Variants in BIN2 observed in about 807,000 individuals in gnomAD.
BIN2 encodes bridging integrator 2, also known as breast cancer associated protein BRAP1.
Under a neutral mutation model 67.9 loss-of-function variants are expected in BIN2, and 43 were observed. That is an observed-to-expected ratio of 0.63 (90% CI 0.50 to 0.82). The LOEUF is 0.82. BIN2 is among the 40% of genes least tolerant of loss of function. The pLI is 0.00. For synonymous variants in BIN2, 244 were observed against 246.8 expected, an observed-to-expected ratio of 0.99 and a Z score of 0.11; for missense variants, 581 against 671.6, an observed-to-expected ratio of 0.87 and a Z score of 1.49.
chr12:51,323,754 C>T lies in BIN2; in HGVS notation c.81+268G>A, dbSNP rs186729412. Among the ~76,000 whole-genome samples the T allele has an allele frequency of 7.5e-4, 114 of 152,352 alleles. 3 individuals carry two copies. In the East Asian group the frequency reaches 0.021, roughly 28 times the overall value. ...TTTTCTGGGTCAGCCTGAGGGTTGT[C>T]GAAGGTTCTGCCCAGAGACTGTTGT... On this transcript the variant is annotated intron_variant, in intron 1 of 12. Transcript: ENST00000615107.
chr12:51,299,484 T>G, intron 6 of BIN2, 123 bp downstream of exon 6: 5 of 1,046,936 alleles, frequency 4.8e-6, no homozygotes, highest in Non-Finnish European at 7.3e-6. Flanking sequence ...CAGATTTCCT[T>G]TAGGACACTG....
rs892613094 is a variant in BIN2 at position 51,305,836 on chromosome 12, T to C, written c.163-2695A>G. Among the ~76,000 whole-genome samples the C allele has an allele frequency of 5.7e-4, 77 of 134,146 alleles. 1 individual carries two copies. Among genetic ancestry groups the C allele is most frequent in the African/African-American group, 1.9e-3 (70 of 36,206 alleles). 88.0% of individuals were successfully genotyped at this position (134,146 alleles called of 152,430 possible). ...CTCACTGTTTTCTTTCTTTTTTTTTTTTTTTTTTTTTTTTTGAGATGGAGT... is the reference window on the plus strand; with the variant it reads ...CTCACTGTTTTCTTTCTTTTTTTTTCTTTTTTTTTTTTTTTGAGATGGAGT... On this transcript the variant is annotated intron_variant, in intron 2 of 12. Coordinates refer to ENST00000615107, the MANE Select transcript of BIN2 (RefSeq NM_016293.4).
At chr12:51,315,294 C>G (rs1239146264) in intron 1 of BIN2, among the ~76,000 whole-genome samples, 5 of 151,922 alleles carry the variant, frequency 3.3e-5, no homozygotes, top group African/African-American at 1.2e-4. Flanking sequence ...CTCAGCCTCC[C>G]GATTAGCTTC....
intron 1 of BIN2, among the ~76,000 whole-genome samples, chr12:51,317,754 A>T (rs112620082): frequency 2.3e-4 from 35 of 152,020 alleles, no homozygotes; most frequent in Non-Finnish European, 4.7e-4. Flanking sequence ...TTTGGGAGGC[A>T]GAGGCGGGTG....
intron 9 of BIN2, among the ~76,000 whole-genome samples, chr12:51,293,780 A>T (rs75181075): frequency 0.086 from 13,109 of 152,240 alleles, 595 homozygotes; most frequent in Non-Finnish European, 0.1. Flanking sequence ...ACTGCAAAAA[A>T]ATTCCATTTT....
chr12:51,313,375 G>C (rs1444155818), intron 2 of BIN2, among the ~76,000 whole-genome samples: 1 of 151,342 alleles, frequency 6.6e-6, no homozygotes, highest in Non-Finnish European at 1.5e-5. Flanking sequence ...TTTCACTCTT[G>C]TCACCCAGGC....
At chr12:51,302,632 G>T in intron 4 of BIN2, 54 bp downstream of exon 4, 6 of 1,416,884 alleles carry the variant, frequency 4.2e-6, no homozygotes, top group South Asian at 3.5e-5. Context: ...AGCTGAGGTT[G>T]AGATGCAAAC....
intron 1 of BIN2, 37 bp from the exon 2 acceptor site, chr12:51,313,940 G>A (rs1157481146): frequency 6.4e-7 from 1 of 1,563,358 alleles, no homozygotes; most frequent in East Asian, 2.2e-5. Flanking sequence ...TAAGGTTATA[G>A]TCAAGTCTCT....
intron 12 of BIN2, among the ~76,000 whole-genome samples, chr12:51,283,124 G>A (rs1315995918): frequency 1.3e-5 from 2 of 151,108 alleles, no homozygotes; most frequent in African/African-American, 2.4e-5. Context: ...GCATGGTGGC[G>A]CCACCGCCTG....
At chr12:51,299,074 CG>C in intron 7 of BIN2, 128 bp downstream of exon 7, 11 of 608,020 alleles carry the variant, frequency 1.8e-5, no homozygotes, top group Admixed American at 6.6e-5. Flanking sequence ...GACCCTGTCT[CG>C]AAAAAAAAAA....
intron 2 of BIN2, among the ~76,000 whole-genome samples, chr12:51,311,041 G>A (rs77447697): frequency 0.13 from 19,854 of 151,102 alleles, 1,438 homozygotes; most frequent in East Asian, 0.25. Flanking sequence ...GGGCCACCAT[G>A]TTGGGCCTAT....
At chr12:51,313,076 T>G (rs372897627) in intron 2 of BIN2, among the ~76,000 whole-genome samples, 126 of 151,208 alleles carry the variant, frequency 8.3e-4, no homozygotes, top group African/African-American at 2.8e-3. Context: ...GTACTAAAAA[T>G]AAAAAGAAAA....
intron 1 of BIN2, among the ~76,000 whole-genome samples, chr12:51,320,495 C>T (rs138163056): frequency 4.1e-4 from 63 of 152,200 alleles, no homozygotes; most frequent in African/African-American, 1.4e-3. Context: ...TCTCTGATCA[C>T]GTGTCTGAAA....
intron 1 of BIN2, among the ~76,000 whole-genome samples, chr12:51,321,142 G>C (rs1216979003): frequency 2.0e-5 from 3 of 149,362 alleles, no homozygotes; most frequent in African/African-American, 7.5e-5. Context: ...TCCTGAGAGA[G>C]GATCAGCAGG....
upstream of BIN2, chr12:51,324,208 G>C (rs1946372710): frequency 3.3e-6 from 5 of 1,501,026 alleles, no homozygotes; most frequent in South Asian, 6.5e-5. Flanking sequence ...TCCGGCCCCA[G>C]CCCTGAGCCA....
chr12:51,303,145 A>G lies in BIN2; in HGVS notation c.163-4T>C. On this transcript the variant is annotated splice_region_variant and splice_polypyrimidine_tract_variant and intron_variant, in intron 2 of 12. Coordinates refer to ENST00000615107, the MANE Select transcript of BIN2 (RefSeq NM_016293.4). ...TGTACAGCTTGTGGCCTTCTGCCTG[A>G]AAGAGAAAAGTACATTTGGTGACTA... 6.2e-7 allele frequency: 1 copy of G among 1,613,868 alleles called. No homozygotes were observed. Among genetic ancestry groups the G allele is most frequent in the Non-Finnish European group, 8.5e-7 (1 of 1,179,742 alleles).
chr12:51,289,350 C>T (rs1170893383), intron 10 of BIN2, among the ~76,000 whole-genome samples: 1 of 151,976 alleles, frequency 6.6e-6, no homozygotes, highest in Non-Finnish European at 1.5e-5. Context: ...CACGGTGGCT[C>T]ACACCTGTAA....
chr12:51,284,979 G>A (rs1053083779), intron 11 of BIN2, among the ~76,000 whole-genome samples, 192 bp from the exon 12 acceptor site: 12 of 152,292 alleles, frequency 7.9e-5, no homozygotes, highest in African/African-American at 2.9e-4. Context: ...TTTTACAGAT[G>A]AATAAACTAA....
chr12:51,308,002 T>A (rs754699831), intron 2 of BIN2, among the ~76,000 whole-genome samples: 1 of 152,058 alleles, frequency 6.6e-6, no homozygotes, highest in Non-Finnish European at 1.5e-5. Context: ...GAAGTATGAG[T>A]GTGAGAGTGA....
Sources: allele counts gnomAD v4.1 joint callset (sites outside exome capture counted in the v4.1 genomes callset), GRCh38; gene constraint gnomAD v4.1.1; transcripts MANE v1.5; gene names NCBI Gene and HGNC (gene_info 2026-07-23, HGNC 2026-07-21).